The following AKAP6 variants were observed in gnomAD, a reference collection of about 807,000 sequenced individuals.
The protein encoded by AKAP6 is A-kinase anchor protein 6.
Under a neutral mutation model 188.5 loss-of-function variants are expected in AKAP6, and 58 were observed. That is an observed-to-expected ratio of 0.31 (90% CI 0.25 to 0.38). The LOEUF (loss-of-function observed/expected upper bound fraction) is 0.38. AKAP6 is among the 10% of genes least tolerant of loss of function. The pLI, the probability that AKAP6 is intolerant of heterozygous loss-of-function variation, is 1.00. For missense variants in AKAP6, 2,710 were observed against 2,740.0 expected, an observed-to-expected ratio of 0.99 and a Z score of 0.24; for synonymous variants, 989 against 998.6, an observed-to-expected ratio of 0.99 and a Z score of 0.18.
intron 7 of AKAP6, among the ~76,000 whole-genome samples, chr14:32,617,697 C>G (rs998451908): frequency 6.6e-6 from 1 of 152,208 alleles, no homozygotes; most frequent in African/African-American, 2.4e-5. Flanking sequence ...ACAGTTTCAA[C>G]TCACTGCAAC....
In AKAP6 at chr14:32,668,231, G is replaced by T. The variant is rs74041657; in HGVS notation, c.2731-10080G>T. Among the ~76,000 whole-genome samples, 917 of 152,116 alleles carry T rather than the reference G, an allele frequency of 6.0e-3. 11 individuals carry two copies. Among genetic ancestry groups the T allele is most frequent in the African/African-American group, 0.021 (884 of 41,514 alleles). ...CACCCTAGCTCATGACATAAAATGC[G>T]GAATTTTTAATGATTTTTAACTACA... On this transcript the variant is annotated intron_variant, in intron 7 of 13. Transcript: ENST00000280979.
At chr14:32,769,263 G>C (rs1178487947) in intron 11 of AKAP6, among the ~76,000 whole-genome samples, 1 of 151,286 alleles carries the variant, frequency 6.6e-6, no homozygotes, top group Non-Finnish European at 1.5e-5. Flanking sequence ...GGATAGGCTG[G>C]TCTTGAACTC....
Position 32,554,189 on chromosome 14 carries a change from T to C in AKAP6, c.2346+7190T>C, listed in dbSNP as rs191324031. On this transcript the variant is annotated intron_variant, in intron 4 of 13. Transcript: ENST00000280979. Reference sequence around the variant, plus strand: ...ATTTTATTGGAACTCAGCCATGGTGTTTGTCTGTGGCTGCTTTTGTATTTC... The same window carrying C: ...ATTTTATTGGAACTCAGCCATGGTGCTTGTCTGTGGCTGCTTTTGTATTTC... Among the ~76,000 whole-genome samples, 136 of 152,342 alleles carry C rather than the reference T, an allele frequency of 8.9e-4. 1 individual carries two copies. The highest frequency in any genetic ancestry group is 3.1e-3 in the African/African-American group (129 of 41,588).
At chr14:32,524,074 C>T (rs771340214) in intron 2 of AKAP6, among the ~76,000 whole-genome samples, 6 of 151,900 alleles carry the variant, frequency 3.9e-5, no homozygotes, top group Admixed American at 1.3e-4. Flanking sequence ...TGTGGTAACA[C>T]GTGCCTATAA....
At chr14:32,754,765 A>G (rs182937316) in intron 11 of AKAP6, among the ~76,000 whole-genome samples, 2 of 152,306 alleles carry the variant, frequency 1.3e-5, no homozygotes, top group African/African-American at 4.8e-5. Context: ...ATTGCCAAAT[A>G]TGGTATTCTT....
Position 32,359,546 on chromosome 14 carries a change from T to A in AKAP6, c.-35+30138T>A, listed in dbSNP as rs117497013. The stretch of plus-strand genomic sequence containing the variant: ...AAGAAATTAATACATTACTATTAAC[T>A]AAACTACTGCATAGACTTTTTTTTT... On this transcript the variant is annotated intron_variant, in intron 1 of 13. Transcript: ENST00000280979. Among the ~76,000 whole-genome samples, 140 of 150,778 alleles carry A rather than the reference T, an allele frequency of 9.3e-4. 3 individuals carry two copies. The East Asian group carries it at 0.026, about 28-fold the overall frequency.
chr14:32,784,770 C>T (rs1271640458), intron 12 of AKAP6, among the ~76,000 whole-genome samples: 3 of 152,050 alleles, frequency 2.0e-5, no homozygotes, highest in Non-Finnish European at 2.9e-5. Context: ...AGCCAGTAGG[C>T]GGAGAAAGGT....
intron 2 of AKAP6, among the ~76,000 whole-genome samples, chr14:32,445,300 G>C (rs7147629): frequency 0.74 from 111,929 of 151,964 alleles, 42,425 homozygotes; most frequent in African/African-American, 0.91. Context: ...TACTCTGAAT[G>C]ATAGCTAAAA....
chr14:32,618,076 G>A (rs540926748), intron 7 of AKAP6, among the ~76,000 whole-genome samples: 7 of 152,202 alleles, frequency 4.6e-5, no homozygotes, highest in Middle Eastern at 3.4e-3. Context: ...CACAGGGAAA[G>A]CTACTTTTTA....
intron 7 of AKAP6, among the ~76,000 whole-genome samples, chr14:32,616,550 G>C (rs1254534523): frequency 6.6e-6 from 1 of 152,154 alleles, no homozygotes; most frequent in Non-Finnish European, 1.5e-5. Context: ...TAAATGATGA[G>C]AGCACATGGA....
intron 11 of AKAP6, among the ~76,000 whole-genome samples, chr14:32,746,740 A>G (rs988164222): frequency 3.3e-5 from 5 of 152,192 alleles, no homozygotes; most frequent in African/African-American, 1.2e-4. Context: ...CAATAGTCAC[A>G]CCTAGAAACC....
intron 9 of AKAP6, among the ~76,000 whole-genome samples, chr14:32,704,940 G>T (rs1411932696): frequency 6.6e-6 from 1 of 152,168 alleles, no homozygotes; most frequent in Admixed American, 6.5e-5. Context: ...AAGCAGGAAT[G>T]TGGGGCTAAA....
At chr14:32,493,301 G>A (rs1007581516) in intron 2 of AKAP6, among the ~76,000 whole-genome samples, 3 of 152,044 alleles carry the variant, frequency 2.0e-5, no homozygotes, top group African/African-American at 4.8e-5. Flanking sequence ...TGACTTCCAG[G>A]GCTTGGGCAG....
At chr14:32,810,317 T>C (rs372993267) in intron 12 of AKAP6, among the ~76,000 whole-genome samples, 4 of 152,090 alleles carry the variant, frequency 2.6e-5, no homozygotes, top group African/African-American at 9.7e-5. Flanking sequence ...TATATTGAAA[T>C]GTGCATTTCT....
intron 2 of AKAP6, among the ~76,000 whole-genome samples, chr14:32,500,926 A>G (rs1357132555): frequency 6.6e-6 from 1 of 151,966 alleles, no homozygotes; most frequent in East Asian, 1.9e-4. Flanking sequence ...CTTCAAATGG[A>G]CTCTTAAAGA....
At chr14:32,396,989 A>C (rs1888899319) in intron 1 of AKAP6, among the ~76,000 whole-genome samples, 2 of 152,222 alleles carry the variant, frequency 1.3e-5, no homozygotes, top group Non-Finnish European at 2.9e-5. Context: ...GGAAAGTGGA[A>C]ACTAGGGCCA....
chr14:32,763,903 G>A (rs886567984), intron 11 of AKAP6, among the ~76,000 whole-genome samples: 6 of 152,088 alleles, frequency 3.9e-5, no homozygotes, highest in African/African-American at 1.2e-4. Flanking sequence ...CTTCATTTGA[G>A]GTATTTTAAT....
chr14:32,667,566 A>T (rs896969621), intron 7 of AKAP6, among the ~76,000 whole-genome samples: 2 of 152,120 alleles, frequency 1.3e-5, no homozygotes, highest in African/African-American at 4.8e-5. Flanking sequence ...ATTTATATTG[A>T]TTTTTATTCT....
At chr14:32,786,322 T>TTTTTTTTTTTTTTTTTTTTTTTG (rs386381051) in intron 12 of AKAP6, among the ~76,000 whole-genome samples, 1 of 128,638 alleles carries the variant, frequency 7.8e-6, no homozygotes, top group African/African-American at 2.9e-5. Context: ...TTTTTTTTTT[T>TTTTTTTTTTTTTTTTTTTTTTTG]TTTGAGACGG....
Sources: gnomAD v4.1 joint callset for allele counts (sites outside exome capture counted in the v4.1 genomes callset) on GRCh38, gnomAD v4.1.1 for gene constraint, MANE v1.5 for transcripts, NCBI Gene and HGNC (gene_info 2026-07-23, HGNC 2026-07-21) for gene names.